The following ARHGEF3 variants were observed in gnomAD, a reference collection of about 807,000 sequenced individuals.
ARHGEF3 encodes Rho guanine nucleotide exchange factor 3.
ARHGEF3 carries 28 observed loss-of-function variants against 63.2 expected under a neutral mutation model. The ratio of observed to expected loss-of-function variants is 0.44; its 90% confidence interval spans 0.33 to 0.61. The LOEUF is 0.61. Ranked by LOEUF, ARHGEF3 falls within the 20% of genes least tolerant of loss-of-function variation. The pLI, the probability that ARHGEF3 is intolerant of heterozygous loss-of-function variation, is 0.03. For missense variants in ARHGEF3, 533 were observed against 659.3 expected (o/e 0.81, Z 2.10); for synonymous variants, 266 against 254.2 (o/e 1.05, Z -0.44).
At chr3:56,804,373 C>G (rs1270718535), upstream of ARHGEF3, among the ~76,000 whole-genome samples, 1 of 152,164 alleles carries the variant, frequency 6.6e-6, no homozygotes, top group Non-Finnish European at 1.5e-5. Context: ...CTCTTTGCTT[C>G]TAGCTGAGGT....
chr3:56,951,559 T>C (rs1658271306), intron 3 of ARHGEF3, among the ~76,000 whole-genome samples: 5 of 151,980 alleles, frequency 3.3e-5, no homozygotes, highest in Admixed American at 2.0e-4. Context: ...TTCATTGTGG[T>C]GGTCTGGAAC....
chr3:56,777,338 A>G (rs921620465), intron 1 of ARHGEF3, among the ~76,000 whole-genome samples: 3 of 152,238 alleles, frequency 2.0e-5, no homozygotes, highest in Admixed American at 6.5e-5. Context: ...AGGAAAGGAG[A>G]GAATAAAGGC....
chr3:57,017,005 G>GTCTCTC lies in ARHGEF3; in HGVS notation c.62+18077_62+18082dup, dbSNP rs370663400. ...GGAGAGAGAGGAAAGCTTTCTCTCT[G>GTCTCTC]TCTCTCTCTCTCTCTCTCTCTCTCT... is the stretch of plus-strand genomic sequence containing the variant. On this transcript the variant is annotated intron_variant, in intron 2 of 12. Coordinates refer to the ARHGEF3 transcript ENST00000338458. Among the ~76,000 whole-genome samples the GTCTCTC allele has an allele frequency of 5.5e-3, 713 of 129,098 alleles. 13 individuals are homozygous for GTCTCTC. The highest frequency in any genetic ancestry group is 0.021 in the African/African-American group (641 of 30,544). 84.7% of individuals were successfully genotyped at this position (129,098 alleles called of 152,430 possible).
rs1235583994 is a variant in ARHGEF3, at chr3:56,884,568, G to A, written c.130-2214C>T. ...TGCTGATGCCAGGAGCCATCCCCAG[G>A]AATGCTTAATCAGCCATTTGGGAGG... On this transcript the variant is annotated intron_variant, in intron 3 of 12. Transcript: ENST00000338458. Among the ~76,000 whole-genome samples the A allele has an allele frequency of 8.5e-5, 13 of 152,356 alleles. No homozygotes were observed. In the East Asian group the frequency reaches 2.3e-3, roughly 27 times the overall value.
intron 6 of ARHGEF3, among the ~76,000 whole-genome samples, chr3:56,748,285 C>T (rs1032038948): frequency 6.6e-6 from 1 of 152,152 alleles, no homozygotes; most frequent in Non-Finnish European, 1.5e-5. Flanking sequence ...CCGCCTCAGG[C>T]TCCCAAAGTG....
chr3:57,034,539 G>GA (rs1246204893), intron 2 of ARHGEF3, among the ~76,000 whole-genome samples: 1 of 151,366 alleles, frequency 6.6e-6, no homozygotes, highest in African/African-American at 2.4e-5. Context: ...CTAAGTCTTA[G>GA]AAAAATCCCA....
intron 4 of ARHGEF3, among the ~76,000 whole-genome samples, chr3:56,856,148 C>T (rs2039873719): frequency 6.6e-6 from 1 of 152,110 alleles, no homozygotes; most frequent in Non-Finnish European, 1.5e-5. Flanking sequence ...GAGTCCATAA[C>T]CAGTCAGTCC....
intron 3 of ARHGEF3, among the ~76,000 whole-genome samples, chr3:56,948,506 C>G (rs1166077092): frequency 1.3e-5 from 2 of 152,226 alleles, no homozygotes; most frequent in South Asian, 4.2e-4. Flanking sequence ...AACACCTCTA[C>G]GCAAATAAAC....
intron 3 of ARHGEF3, chr3:56,882,428 C>G (rs12496441): frequency 8.0e-7 from 1 of 1,254,588 alleles, no homozygotes; most frequent in Non-Finnish European, 1.1e-6. Flanking sequence ...AGAAAAAAAG[C>G]AATCAAATAG....
In ARHGEF3 at chr3:56,918,726, T is replaced by G. The variant is rs150844095; in HGVS notation, c.130-36372A>C. Among the ~76,000 whole-genome samples, 682 of 152,322 alleles carry G rather than the reference T, an allele frequency of 4.5e-3. 4 individuals are homozygous for G. Among genetic ancestry groups the G allele is most frequent in the Non-Finnish European group, 7.4e-3 (501 of 68,026 alleles). ...TAGTAAGAGGCTCTGATCCGCAAGG[T>G]CCACGTTCATTTTGAGCTTTATAAT... On this transcript the variant is annotated intron_variant, in intron 3 of 12. Transcript: ENST00000338458.
chr3:56,755,117 T>G lies in ARHGEF3; in HGVS notation c.239A>C (p.Asp80Ala). The change falls in exon 3 of 10, where the codon GAC becomes GCC. Residue 80 changes from aspartate to alanine, a missense_variant. Asp to Ala is a moderately radical substitution (Grantham distance 126). Around this residue, in one of 4 missense-constraint regions of ARHGEF3, gnomAD observed 160 missense variants for 157.3 expected, o/e 1.02. Coordinates refer to ENST00000296315, the MANE Select transcript of ARHGEF3 (RefSeq NM_019555.3). ...SISFRSESRPDILAPRPWSRN... is the reference protein window; with the variant it reads ...SISFRSESRPAILAPRPWSRN... The stretch of plus-strand genomic sequence containing the variant: ...GGACCAGGGTCGGGGGGCGAGGATG[T>G]CAGGGCGGCTCTCACTGCGGAAGCT... 6.2e-7 allele frequency: 1 copy of G among 1,613,844 alleles called. No individual in the cohort carries two copies. The highest frequency in any genetic ancestry group is 1.7e-5 in the Admixed American group (1 of 60,006).
At chr3:57,045,269 A>G (rs1245023283) in intron 1 of ARHGEF3, among the ~76,000 whole-genome samples, 1 of 152,142 alleles carries the variant, frequency 6.6e-6, no homozygotes. Context: ...CTCTGTCTCA[A>G]AACAAAAAAC....
chr3:57,041,701 C>A (rs1579150351), intron 1 of ARHGEF3, among the ~76,000 whole-genome samples: 1 of 152,236 alleles, frequency 6.6e-6, no homozygotes, highest in East Asian at 1.9e-4. Flanking sequence ...TTGGCACTCA[C>A]AGCTTTATAA....
intron 3 of ARHGEF3, among the ~76,000 whole-genome samples, chr3:56,946,737 G>A (rs1699521608): frequency 6.6e-6 from 1 of 152,170 alleles, no homozygotes; most frequent in African/African-American, 2.4e-5. Context: ...CCCCAATCTA[G>A]CAAGGCAGGC....
At chr3:56,892,287 T>C (rs1205496550) in intron 3 of ARHGEF3, among the ~76,000 whole-genome samples, 1 of 151,750 alleles carries the variant, frequency 6.6e-6, no homozygotes, top group Non-Finnish European at 1.5e-5. Context: ...CGATCTAAGG[T>C]GGGAGAAGGA....
chr3:56,967,453 A>G (rs1290238603), intron 2 of ARHGEF3, among the ~76,000 whole-genome samples: 1 of 64,398 alleles, frequency 1.6e-5, no homozygotes, highest in East Asian at 6.4e-4. Context: ...TATATATTAT[A>G]CATATTATAT....
chr3:56,801,142 G>GC (rs1559952607), intron 1 of ARHGEF3, among the ~76,000 whole-genome samples: 1 of 152,178 alleles, frequency 6.6e-6, no homozygotes, highest in Admixed American at 6.5e-5. Context: ...TTTAGCCCCA[G>GC]CCCCCCGGCT....
At position 56,958,828 on chromosome 3, in the gene ARHGEF3, T is replaced by A. The variant is rs1205918887; in HGVS notation, c.124A>T (p.Arg42Ter). Residue 42 changes from arginine (R) to a stop codon, truncating the protein, a stop_gained, in exon 3 of 13, where the codon AGA becomes TGA. Coordinates refer to the ARHGEF3 transcript ENST00000338458. LOFTEE classifies it high-confidence loss of function. Reference sequence around the variant, plus strand: ...CTACCCAGGGCAACACTTACCCCTCTGAAATTCCAGGCTTTAGGAGAGGGA... The same window carrying A: ...CTACCCAGGGCAACACTTACCCCTCAGAAATTCCAGGCTTTAGGAGAGGGA... The A allele has an allele frequency of 6.4e-7, 1 of 1,551,478 alleles. No individual in the cohort carries two copies. Among genetic ancestry groups the A allele is most frequent in the Admixed American group, 2.0e-5 (1 of 51,014 alleles).
chr3:57,006,422 C>T (rs1579072400), intron 2 of ARHGEF3, among the ~76,000 whole-genome samples: 1 of 152,184 alleles, frequency 6.6e-6, no homozygotes, highest in African/African-American at 2.4e-5. Context: ...CTTCAGCCAA[C>T]AGACAAGGAA....
Sources: allele counts gnomAD v4.1 joint callset (sites outside exome capture counted in the v4.1 genomes callset), GRCh38; gene constraint gnomAD v4.1.1; regional missense constraint gnomAD v4.1.1; transcripts MANE v1.5; gene names NCBI Gene and HGNC (gene_info 2026-07-23, HGNC 2026-07-21).